Variants in RSRC1 observed in about 807,000 individuals in gnomAD.
RSRC1 encodes serine/Arginine-related protein 53.
Under a neutral mutation model 49.1 loss-of-function variants are expected in RSRC1, and 39 were observed. That is an observed-to-expected ratio of 0.79 (90% confidence interval 0.61 to 1.04). The LOEUF (loss-of-function observed/expected upper bound fraction) is 1.04. Ranked by LOEUF, RSRC1 falls within the 50% of genes least tolerant of loss-of-function variation. The pLI is 0.00. For missense variants in RSRC1, 388 were observed against 402.4 expected, an observed-to-expected ratio of 0.96 and a Z score of 0.31; for synonymous variants, 143 against 130.8, an observed-to-expected ratio of 1.09 and a Z score of -0.63.
chr3:158,179,209 C>T (rs904427617), intron 3 of RSRC1, among the ~76,000 whole-genome samples: 5 of 152,152 alleles, frequency 3.3e-5, no homozygotes, highest in African/African-American at 1.2e-4. Flanking sequence ...TGTGGATTCA[C>T]ATGCAGGTAG....
intron 4 of RSRC1, among the ~76,000 whole-genome samples, chr3:158,229,854 T>C (rs1396794828): frequency 2.0e-5 from 3 of 152,070 alleles, no homozygotes; most frequent in Admixed American, 6.6e-5. Flanking sequence ...TTAGCCCTAA[T>C]ATTTCTGTGT....
At chr3:158,363,516 C>T (rs576274933) in intron 6 of RSRC1, among the ~76,000 whole-genome samples, 8 of 152,256 alleles carry the variant, frequency 5.3e-5, no homozygotes, top group African/African-American at 1.4e-4. Flanking sequence ...CTGACCGCCT[C>T]GGCCTCCCAA....
intron 7 of RSRC1, among the ~76,000 whole-genome samples, chr3:158,496,035 T>C (rs1338314393): frequency 6.6e-6 from 1 of 152,118 alleles, no homozygotes; most frequent in Non-Finnish European, 1.5e-5. Context: ...AAAGAGAAAT[T>C]ATTGGGGAAT....
chr3:158,442,759 T>C (rs527365531), intron 6 of RSRC1, among the ~76,000 whole-genome samples: 28 of 152,146 alleles, frequency 1.8e-4, no homozygotes, highest in South Asian at 6.2e-4. Context: ...TCAAGTCTTA[T>C]TGTTTAAGAA....
chr3:158,239,969 A>C (rs1723475802), intron 4 of RSRC1, among the ~76,000 whole-genome samples: 2 of 152,182 alleles, frequency 1.3e-5, no homozygotes, highest in Non-Finnish European at 2.9e-5. Flanking sequence ...CCAAAAAAAC[A>C]ACTTGTTTGT....
At chr3:158,326,585 A>G (rs1010502652) in intron 5 of RSRC1, among the ~76,000 whole-genome samples, 1 of 152,118 alleles carries the variant, frequency 6.6e-6, no homozygotes, top group Non-Finnish European at 1.5e-5. Flanking sequence ...GAAGCCAACT[A>G]GATCATGGTG....
At chr3:158,509,688 T>C (rs901568304) in intron 7 of RSRC1, among the ~76,000 whole-genome samples, 1 of 152,136 alleles carries the variant, frequency 6.6e-6, no homozygotes, top group African/African-American at 2.4e-5. Context: ...AAGTAAAAAA[T>C]AGTATATAAA....
intron 7 of RSRC1, among the ~76,000 whole-genome samples, chr3:158,484,380 A>T (rs1738736737): frequency 2.6e-5 from 4 of 152,154 alleles, no homozygotes; most frequent in African/African-American, 9.6e-5. Context: ...ATGAGTACAA[A>T]CAAGAAAGAT....
At chr3:158,525,465 G>A (rs9871092) in intron 7 of RSRC1, among the ~76,000 whole-genome samples, 15,097 of 151,838 alleles carry the variant, frequency 0.099, 842 homozygotes, top group Middle Eastern at 0.14. Flanking sequence ...ACATAAAATG[G>A]TATAACCACT....
At position 158,288,599 on chromosome 3, in the gene RSRC1, C is replaced by T. The variant is rs1427123257; in HGVS notation, c.495-9440C>T. Among the ~76,000 whole-genome samples, 16 of 152,228 alleles carry T rather than the reference C, an allele frequency of 1.1e-4. 1 individual carries two copies. The South Asian group carries it at 1.5e-3, about 14-fold the overall frequency. On this transcript the variant is annotated intron_variant, in intron 4 of 9. Coordinates refer to ENST00000611884, the MANE Select transcript of RSRC1 (RefSeq NM_001271838.2). Reference sequence around the variant, plus strand: ...TACTATTTTATATACCATCTTCCCCCGGTATCTGTGGGATATTGATTCCAG... The same window carrying T: ...TACTATTTTATATACCATCTTCCCCTGGTATCTGTGGGATATTGATTCCAG...
intron 5 of RSRC1, among the ~76,000 whole-genome samples, chr3:158,304,211 A>G (rs1470716810): frequency 6.6e-6 from 1 of 152,182 alleles, no homozygotes; most frequent in Non-Finnish European, 1.5e-5. Flanking sequence ...ATAAGAATAT[A>G]GTTCTGCTTG....
intron 5 of RSRC1, among the ~76,000 whole-genome samples, chr3:158,314,250 C>T (rs1232955580): frequency 6.6e-6 from 1 of 152,110 alleles, no homozygotes; most frequent in Admixed American, 6.5e-5. Flanking sequence ...GCCACCACGC[C>T]TGGCTAATTT....
At chr3:158,284,773 A>C (rs1292412155) in intron 4 of RSRC1, among the ~76,000 whole-genome samples, 1 of 151,514 alleles carries the variant, frequency 6.6e-6, no homozygotes, top group Non-Finnish European at 1.5e-5. Context: ...GTTTGAGTTC[A>C]TTGTAGATTC....
chr3:158,365,367 C>T lies in RSRC1; in HGVS notation c.583+10459C>T, dbSNP rs560026174. On this transcript the variant is annotated intron_variant, in intron 6 of 9. Transcript: ENST00000611884. ...CCTGTGTCCATGAGTTCTCATTGTT[C>T]AACTCCCACTTATGAGTGAGAACAT... 4.0e-5 allele frequency among the ~76,000 whole-genome samples: 6 copies of T among 151,736 alleles called. No homozygotes were observed. In the South Asian group the frequency reaches 1.3e-3, roughly 32 times the overall value.
intron 3 of RSRC1, among the ~76,000 whole-genome samples, chr3:158,183,214 G>T (rs1202821722): frequency 6.6e-6 from 1 of 151,514 alleles, no homozygotes; most frequent in South Asian, 2.1e-4. Context: ...GATAGTTTGA[G>T]GATTTTAAAA....
At chr3:158,510,646 G>A (rs757252696) in intron 7 of RSRC1, among the ~76,000 whole-genome samples, 5 of 152,030 alleles carry the variant, frequency 3.3e-5, no homozygotes, top group African/African-American at 4.8e-5. Context: ...TATCCTATGT[G>A]TTATAAACAA....
chr3:158,192,681 C>A (rs1169680906), intron 3 of RSRC1, among the ~76,000 whole-genome samples: 1 of 151,972 alleles, frequency 6.6e-6, no homozygotes, highest in Admixed American at 6.6e-5. Flanking sequence ...TGTTATAGTA[C>A]CTCCTTCAAG....
chr3:158,502,209 G>A (rs1351855741), intron 7 of RSRC1, among the ~76,000 whole-genome samples: 1 of 152,194 alleles, frequency 6.6e-6, no homozygotes, highest in Non-Finnish European at 1.5e-5. Context: ...CTGCTAGTTT[G>A]TAGGGTTTCT....
chr3:158,489,727 T>TA (rs1373156429), intron 7 of RSRC1, among the ~76,000 whole-genome samples: 4 of 151,952 alleles, frequency 2.6e-5, no homozygotes, highest in Non-Finnish European at 5.9e-5. Flanking sequence ...CAGTCATCCT[T>TA]AAAAAAAATT....
Sources: gnomAD v4.1 joint callset for allele counts (sites outside exome capture counted in the v4.1 genomes callset) on GRCh38, gnomAD v4.1.1 for gene constraint, MANE v1.5 for transcripts, NCBI Gene and HGNC (gene_info 2026-07-23, HGNC 2026-07-21) for gene names.